MID1: variants seen among roughly 807,000 people sequenced by gnomAD.
MID1 encodes midline 1.
A neutral mutation model predicts 40.4 loss-of-function variants in MID1; 7 were observed. The observed-to-expected ratio is 0.17, with a 90% CI of 0.10 to 0.33. The LOEUF (loss-of-function observed/expected upper bound fraction) is 0.33, where lower values mean the gene tolerates loss of function less well. Ranked by LOEUF, MID1 falls within the 10% of genes least tolerant of loss-of-function variation. The pLI is 1.00. For synonymous variants in MID1, 229 were observed against 221.2 expected (o/e 1.04, Z -0.31); for missense variants, 367 against 558.5 (o/e 0.66, Z 3.46).
intron 1 of MID1, among the ~76,000 whole-genome samples, chrX:10,732,490 G>T (rs770134411): frequency 3.7e-4 from 42 of 112,097 alleles, no homozygotes; most frequent in Admixed American, 7.6e-4. Flanking sequence ...TTAAAAGGTA[G>T]AAATAAATGG....
intron 1 of MID1, among the ~76,000 whole-genome samples, chrX:10,781,329 T>A (rs1393080319): frequency 3.6e-5 from 4 of 111,583 alleles, no homozygotes; most frequent in African/African-American, 1.3e-4. Context: ...GGAAGTGATA[T>A]CCCCAGAGTA....
chrX:10,756,312 G>A (rs867273706), intron 1 of MID1, among the ~76,000 whole-genome samples: 3 of 112,503 alleles, frequency 2.7e-5, no homozygotes, highest in African/African-American at 9.7e-5. Flanking sequence ...ATACACAAGC[G>A]AGCAATGAAA....
intron 1 of MID1, among the ~76,000 whole-genome samples, chrX:10,683,530 A>T (rs943586340): frequency 9.0e-6 from 1 of 110,818 alleles, no homozygotes; most frequent in African/African-American, 3.3e-5. Flanking sequence ...CAGCACAGTG[A>T]GAACTTGATT....
At chrX:10,784,367 C>T (rs1490753198) in intron 1 of MID1, among the ~76,000 whole-genome samples, 1 of 110,733 alleles carries the variant, frequency 9.0e-6, no homozygotes, top group African/African-American at 3.3e-5. Flanking sequence ...ATACAATTGA[C>T]GGTTTTCTAT....
At chrX:10,594,562 G>A (rs1168160515) in intron 1 of MID1, among the ~76,000 whole-genome samples, 1 of 111,414 alleles carries the variant, frequency 9.0e-6, no homozygotes, top group Non-Finnish European at 1.9e-5. Flanking sequence ...GGGTGCACGT[G>A]ACATCCTTGG....
intron 1 of MID1, among the ~76,000 whole-genome samples, chrX:10,733,748 A>G (rs750896004): frequency 8.9e-6 from 1 of 112,375 alleles, no homozygotes; most frequent in South Asian, 3.7e-4. Flanking sequence ...AGAAAGTACC[A>G]TTTCATATTC....
chrX:10,497,719 A>T (rs1931330840), intron 3 of MID1, among the ~76,000 whole-genome samples: 1 of 111,710 alleles, frequency 9.0e-6, no homozygotes, highest in African/African-American at 3.3e-5. Flanking sequence ...GTCCAGCTCT[A>T]GTTTTTCTTT....
chrX:10,565,827 TGAGA>T (rs1217572625), intron 2 of MID1, among the ~76,000 whole-genome samples: 1 of 106,484 alleles, frequency 9.4e-6, no homozygotes, highest in African/African-American at 3.5e-5. Flanking sequence ...TTTTTTTTTT[TGAGA>T]GAGAGTCTCG....
chrX:10,519,975 T>G (rs1238578354), intron 3 of MID1, among the ~76,000 whole-genome samples: 3 of 112,364 alleles, frequency 2.7e-5, no homozygotes, highest in Non-Finnish European at 5.6e-5. Context: ...GTAGACATGC[T>G]TTTACACTGA....
intron 1 of MID1, among the ~76,000 whole-genome samples, chrX:10,644,967 C>T (rs1936247071): frequency 8.9e-6 from 1 of 112,155 alleles, no homozygotes; most frequent in South Asian, 3.7e-4. Context: ...TGAAGTCAGA[C>T]ATCTTTTGAA....
intron 7 of MID1, among the ~76,000 whole-genome samples, chrX:10,463,594 GTCTT>G (rs1373166609): frequency 2.7e-5 from 3 of 112,182 alleles, no homozygotes; most frequent in East Asian, 2.8e-4. Context: ...TGCAAAACTG[GTCTT>G]TCTTTTAAAA....
chrX:10,519,037 G>A (rs1264899300), intron 3 of MID1, among the ~76,000 whole-genome samples: 2 of 112,020 alleles, frequency 1.8e-5, no homozygotes, highest in Non-Finnish European at 3.8e-5. Flanking sequence ...ATAGCGTCTT[G>A]TAAATTCAAG....
intron 2 of MID1, among the ~76,000 whole-genome samples, chrX:10,537,069 T>C (rs1237222164): frequency 9.0e-6 from 1 of 111,634 alleles, no homozygotes; most frequent in East Asian, 2.8e-4. Context: ...TAAATTGCTT[T>C]TTCTAATAAA....
At chrX:10,617,862 T>A (rs1031817436) in intron 1 of MID1, among the ~76,000 whole-genome samples, 19 of 112,350 alleles carry the variant, frequency 1.7e-4, no homozygotes, top group Admixed American at 9.4e-5. Flanking sequence ...GGTTGGCACA[T>A]ATTTTAAAAT....
chrX:10,706,739 C>G (rs2043234135), intron 1 of MID1, among the ~76,000 whole-genome samples: 1 of 111,314 alleles, frequency 9.0e-6, no homozygotes, highest in African/African-American at 3.3e-5. Flanking sequence ...TAGTCATATA[C>G]CATAATGTAG....
chrX:10,605,428 A>C (rs915199372), intron 1 of MID1, among the ~76,000 whole-genome samples: 5 of 111,879 alleles, frequency 4.5e-5, no homozygotes, highest in Admixed American at 1.9e-4. Context: ...AGGAACATAA[A>C]CTATATGAAG....
chrX:10,591,630 G>A (rs1012497440), intron 1 of MID1, among the ~76,000 whole-genome samples: 19 of 110,998 alleles, frequency 1.7e-4, no homozygotes, highest in Non-Finnish European at 3.2e-4. Context: ...TCCAAGCACC[G>A]ACTGCCAAAA....
chrX:10,625,508 G>A (rs1179898614), upstream of MID1, among the ~76,000 whole-genome samples: 1 of 112,224 alleles, frequency 8.9e-6, no homozygotes, highest in Non-Finnish European at 1.9e-5. Flanking sequence ...TGTTTACTGA[G>A]TTGTTGTGAC....
chrX:10,474,363 C>G (rs1305791499), intron 6 of MID1, among the ~76,000 whole-genome samples: 1 of 111,424 alleles, frequency 9.0e-6, no homozygotes, highest in African/African-American at 3.3e-5. Context: ...GCACCCACAC[C>G]TTGAGAGTGA....
Sources: allele counts gnomAD v4.1 joint callset (sites outside exome capture counted in the v4.1 genomes callset), GRCh38; gene constraint gnomAD v4.1.1; transcripts MANE v1.5; gene names NCBI Gene and HGNC (gene_info 2026-07-23, HGNC 2026-07-21).